ARMH4: variants seen among roughly 807,000 people sequenced by gnomAD.
The protein encoded by ARMH4 is armadillo like helical domain containing 4.
Under a neutral mutation model 61.9 loss-of-function variants are expected in ARMH4, and 49 were observed. The ratio of observed to expected loss-of-function variants is 0.79; its 90% CI spans 0.63 to 1.00. The LOEUF is 1.00. Among genes scored for constraint, ARMH4 ranks in the 50% least tolerant of loss-of-function variants. The pLI is 0.00. For missense variants in ARMH4, 934 were observed against 930.0 expected (o/e 1.00, Z -0.06); for synonymous variants, 368 against 341.5 (o/e 1.08, Z -0.85).
At chr14:58,133,382 AT>A (rs199576244) in intron 2 of ARMH4, 41 bp from the exon 3 acceptor site, 39,737 of 1,257,886 alleles carry the variant, frequency 0.032, 59 homozygotes, top group Non-Finnish European at 0.035. Flanking sequence ...CCAAATCCCT[AT>A]TTTTTTAAAA....
intron 5 of ARMH4, among the ~76,000 whole-genome samples, chr14:58,080,633 G>A (rs1203053300): frequency 6.6e-6 from 1 of 152,094 alleles, no homozygotes; most frequent in African/African-American, 2.4e-5. Context: ...CTACCCATTG[G>A]GTACTATACT....
At chr14:58,100,003 T>TG (rs1297664484) in intron 4 of ARMH4, among the ~76,000 whole-genome samples, 1 of 152,208 alleles carries the variant, frequency 6.6e-6, no homozygotes, top group African/African-American at 2.4e-5. Flanking sequence ...TGGTGCATAC[T>TG]GGACAGGTTG....
intron 5 of ARMH4, among the ~76,000 whole-genome samples, chr14:58,094,761 A>G (rs900222135): frequency 7.1e-4 from 108 of 152,222 alleles, no homozygotes; most frequent in African/African-American, 2.4e-3. Context: ...ACCAAAGGCC[A>G]GTGGTTATCT....
At chr14:58,121,805 C>G (rs551692344) in intron 4 of ARMH4, among the ~76,000 whole-genome samples, 4 of 152,240 alleles carry the variant, frequency 2.6e-5, no homozygotes, top group South Asian at 2.1e-4. Context: ...TAAAGTGACA[C>G]AAAAATGAAA....
Position 58,138,997 on chromosome 14 carries a change from G to A in ARMH4, c.362C>T (p.Ser121Leu). 6.2e-7 allele frequency: 1 copy of A among 1,614,248 alleles called. No individual in the cohort carries two copies. The highest frequency in any genetic ancestry group is 8.5e-7 in the Non-Finnish European group (1 of 1,180,042). The change falls in exon 2 of 8, where the codon TCA (serine) becomes TTA (leucine). Residue 121 changes from serine to leucine, a missense_variant. Ser to Leu is a moderately radical substitution (Grantham distance 145). Transcript: ENST00000267485. ...VSTPTESGVP[S>L]AEEVFGSSQP... is the part of the protein sequence containing the mutation. ...GCTGGAACCAAATACTTCTTCAGCTGAGGGGACACCTGACTCAGTAGGTGT... is the reference window on the plus strand; with the variant it reads ...GCTGGAACCAAATACTTCTTCAGCTAAGGGGACACCTGACTCAGTAGGTGT...
chr14:58,146,612 C>G (rs1042462563), intron 1 of ARMH4, among the ~76,000 whole-genome samples: 1 of 152,216 alleles, frequency 6.6e-6, no homozygotes, highest in Non-Finnish European at 1.5e-5. Context: ...TTATCTTTGA[C>G]AATCTTACAT....
At position 58,131,532 on chromosome 14, in the gene ARMH4, A is replaced by G; in HGVS notation, c.1811T>C (p.Leu604Pro). The G allele has an allele frequency of 1.2e-6, 2 of 1,614,110 alleles. No homozygotes were observed. Among genetic ancestry groups the G allele is most frequent in the South Asian group, 2.2e-5 (2 of 91,052 alleles). Reference protein sequence around the residue: ...TRVNTAASYGLDQLESEEGQE... With the variant: ...TRVNTAASYGPDQLESEEGQE... ...AATACCTTCAGATTCAAGTTGGTCC[A>G]GGCCATATGAGGCAGCTGTATTAAC... is the stretch of plus-strand genomic sequence containing the variant. Residue 604 changes from leucine to proline, a missense_variant, in exon 4 of 8, where the codon CTG becomes CCG. Leu to Pro is a moderately conservative substitution (Grantham distance 98, BLOSUM62 -3). Transcript: ENST00000267485.
At chr14:58,082,918 A>G (rs1165357734) in intron 5 of ARMH4, among the ~76,000 whole-genome samples, 1 of 152,134 alleles carries the variant, frequency 6.6e-6, no homozygotes, top group African/African-American at 2.4e-5. Context: ...ACTAGTTCTC[A>G]CTAACATAAT....
chr14:58,064,916 G>C (rs1884653634), intron 5 of ARMH4, among the ~76,000 whole-genome samples: 1 of 152,148 alleles, frequency 6.6e-6, no homozygotes, highest in South Asian at 2.1e-4. Context: ...GGATCTTGTA[G>C]GATGAATTCT....
At chr14:58,044,474 T>C in intron 5 of ARMH4, among the ~76,000 whole-genome samples, 1 of 152,164 alleles carries the variant, frequency 6.6e-6, no homozygotes. Flanking sequence ...TCAAGATGGA[T>C]TAAAGACTTA....
chr14:58,018,470 A>T (rs1270393315), intron 5 of ARMH4, among the ~76,000 whole-genome samples: 1 of 33,530 alleles, frequency 3.0e-5, no homozygotes, highest in African/African-American at 9.2e-5. Context: ...ACATTTCTCA[A>T]AAAAAAAAAA....
chr14:58,085,726 G>A (rs535451013), intron 5 of ARMH4, among the ~76,000 whole-genome samples: 1 of 152,272 alleles, frequency 6.6e-6, no homozygotes, highest in South Asian at 2.1e-4. Flanking sequence ...CAGATCGTAA[G>A]AAGAAATAAA....
In ARMH4 at chr14:58,101,660, G is replaced by C. The variant is rs530777351; in HGVS notation, c.1832-4679C>G. Reference sequence around the variant, plus strand: ...TTGGGTTTTTTTTTTTCACAACTTTGTTTGGAGATTTTAACCAGAAAAAAA... The same window carrying C: ...TTGGGTTTTTTTTTTTCACAACTTTCTTTGGAGATTTTAACCAGAAAAAAA... On this transcript the variant is annotated intron_variant, in intron 4 of 7. Coordinates refer to ENST00000267485, the MANE Select transcript of ARMH4 (RefSeq NM_001001872.4). 6 of 150,914 alleles carry C rather than the reference G, an allele frequency of 4.0e-5. No homozygotes were observed. In the South Asian group the frequency reaches 1.3e-3, roughly 32 times the overall value. 9.3% of individuals were successfully genotyped at this position (150,914 alleles called of 1,614,324 possible).
rs369403307 is a variant in ARMH4 at position 58,113,190 on chromosome 14, C to T, written c.1832-16209G>A. On this transcript the variant is annotated intron_variant, in intron 4 of 7. Transcript: ENST00000267485. ...CTTCTAACACCACGGATTAGGTTTG[C>T]TGGTTTTTGAAATTTCTATAAATGG... 5.3e-5 allele frequency among the ~76,000 whole-genome samples: 8 copies of T among 152,246 alleles called. No individual in the cohort carries two copies. The East Asian group carries it at 1.2e-3, about 22-fold the overall frequency.
At position 58,005,072 on chromosome 14, in the gene ARMH4, A is replaced by G. The variant is rs1438976594; in HGVS notation, c.2232T>C (p.Asn744=). 3.1e-6 allele frequency: 5 copies of G among 1,613,922 alleles called. No homozygotes were observed. In the East Asian group the frequency reaches 1.1e-4, roughly 36 times the overall value. The part of the protein sequence containing the change: ...SIKVMNRRRR[N]GFKRHKRKQR... ...CCTTTCTTTTATGCCTTTTGAAGCC[A>G]TTTCTCCTTCGGCGATTCATAACCT... Residue 744 remains asparagine, a synonymous_variant, in exon 7 of 8, where the codon AAT becomes AAC. Transcript: ENST00000267485.
At chr14:58,130,606 C>G (rs1887060852) in intron 4 of ARMH4, among the ~76,000 whole-genome samples, 1 of 141,884 alleles carries the variant, frequency 7.0e-6, no homozygotes, top group Non-Finnish European at 1.6e-5. Flanking sequence ...TGTCATATTT[C>G]TAGTCTTCTT....
intron 4 of ARMH4, among the ~76,000 whole-genome samples, chr14:58,104,984 G>A (rs1473158694): frequency 6.6e-6 from 1 of 152,172 alleles, no homozygotes; most frequent in African/African-American, 2.4e-5. Flanking sequence ...ACCAACAGCT[G>A]TAAAACAAAC....
chr14:58,127,555 C>G (rs139099937), intron 4 of ARMH4, among the ~76,000 whole-genome samples: 2,455 of 152,252 alleles, frequency 0.016, 64 homozygotes, highest in African/African-American at 0.056. Flanking sequence ...AGCATGAGAA[C>G]AGACTAATAC....
chr14:58,144,134 G>A (rs945895711), intron 1 of ARMH4, among the ~76,000 whole-genome samples: 45 of 152,300 alleles, frequency 3.0e-4, no homozygotes, highest in African/African-American at 1.0e-3. Context: ...GAAATAGCAT[G>A]TGCCACAGCA....
Sources: gnomAD v4.1 joint callset for allele counts (sites outside exome capture counted in the v4.1 genomes callset) on GRCh38, gnomAD v4.1.1 for gene constraint, MANE v1.5 for transcripts, NCBI Gene and HGNC (gene_info 2026-07-23, HGNC 2026-07-21) for gene names.